ZBTB38: variants seen among roughly 807,000 people sequenced by gnomAD.
ZBTB38 encodes the protein zinc finger and BTB domain-containing protein 38.
ZBTB38 carries 20 observed loss-of-function variants against 76.8 expected under a neutral mutation model. That is an observed-to-expected ratio of 0.26 (90% CI 0.18 to 0.38). The LOEUF is 0.38. Among genes scored for constraint, ZBTB38 ranks in the 10% least tolerant of loss-of-function variants. The pLI is 1.00. For missense variants in ZBTB38, 1,082 were observed against 1,482.3 expected (o/e 0.73, Z 4.43); for synonymous variants, 504 against 544.2 (o/e 0.93, Z 1.03).
At chr3:141,368,105 G>A (rs769034036), upstream of ZBTB38, among the ~76,000 whole-genome samples, 7 of 152,206 alleles carry the variant, frequency 4.6e-5, no homozygotes, top group Non-Finnish European at 8.8e-5. Flanking sequence ...AACTCCTTGA[G>A]TAAGGTGGGC....
intron 2 of ZBTB38, among the ~76,000 whole-genome samples, chr3:141,378,835 A>G (rs1945785161): frequency 6.6e-6 from 1 of 152,144 alleles, no homozygotes; most frequent in South Asian, 2.1e-4. Context: ...TGAGACCATA[A>G]CTTCAAAGCT....
At chr3:141,393,563 C>T (rs1421169518) in intron 4 of ZBTB38, among the ~76,000 whole-genome samples, 1 of 152,080 alleles carries the variant, frequency 6.6e-6, no homozygotes, top group Non-Finnish European at 1.5e-5. Context: ...TACTGGGGAA[C>T]AGTGCGGAAG....
chr3:141,355,523 G>A (rs1943633740), intron 1 of ZBTB38, among the ~76,000 whole-genome samples: 1 of 152,046 alleles, frequency 6.6e-6, no homozygotes, highest in African/African-American at 2.4e-5. Flanking sequence ...TCTTGGTGCT[G>A]TGCTTGTCTC....
chr3:141,370,392 C>T (rs1559923838), intron 2 of ZBTB38, among the ~76,000 whole-genome samples: 1 of 152,224 alleles, frequency 6.6e-6, no homozygotes, highest in South Asian at 2.1e-4. Context: ...GCTAAAACTC[C>T]ATCACATGAC....
chr3:141,399,430 T>A (rs1207252953), intron 4 of ZBTB38, among the ~76,000 whole-genome samples: 3 of 152,214 alleles, frequency 2.0e-5, no homozygotes, highest in Non-Finnish European at 4.4e-5. Flanking sequence ...TTGGTAGATT[T>A]ACTACCAAAC....
intron 1 of ZBTB38, among the ~76,000 whole-genome samples, chr3:141,360,862 G>A (rs1312794284): frequency 2.0e-5 from 3 of 152,146 alleles, no homozygotes; most frequent in African/African-American, 7.2e-5. Flanking sequence ...TTTCCAGGGG[G>A]CAAACGCACC....
chr3:141,388,135 G>A (rs1279663097), intron 4 of ZBTB38: 2 of 151,856 alleles, frequency 1.3e-5, no homozygotes, highest in Non-Finnish European at 2.9e-5. Context: ...ATATATGATA[G>A]GTGTGGTGCC....
Position 141,443,397 on chromosome 3 carries a change from G to A in ZBTB38, c.1009G>A (p.Val337Ile), listed in dbSNP as rs2080643496. 3 of 1,614,218 alleles carry A rather than the reference G, an allele frequency of 1.9e-6. No homozygotes were observed. The highest frequency in any genetic ancestry group is 2.5e-6 in the Non-Finnish European group (3 of 1,180,044). ...SDVPGPPAAEVPPLVYNCSCC... is the reference protein window; with the variant it reads ...SDVPGPPAAEIPPLVYNCSCC... Reference sequence around the variant, plus strand: ...TGTTCCCGGGCCGCCAGCCGCAGAGGTTCCACCTCTGGTGTACAATTGTAG... The same window carrying A: ...TGTTCCCGGGCCGCCAGCCGCAGAGATTCCACCTCTGGTGTACAATTGTAG... The change falls in exon 6 of 6, where the codon GTT becomes ATT. Residue 337 changes from valine (V) to isoleucine (I), a missense_variant. Physicochemically the swap from Val to Ile is conservative, Grantham distance 29. Coordinates refer to ENST00000321464, the MANE Select transcript of ZBTB38 (RefSeq NM_001376113.1). This position sits in a 1 kb window ranked among gnomAD's most constrained non-coding sequence, Gnocchi z 5.6.
At chr3:141,437,427 G>A (rs1021473986) in intron 5 of ZBTB38, among the ~76,000 whole-genome samples, 148 of 152,110 alleles carry the variant, frequency 9.7e-4, no homozygotes, top group African/African-American at 3.5e-3. Context: ...TTGTTTTGCA[G>A]TGTTTCATGA....
intron 4 of ZBTB38, chr3:141,402,704 G>C (rs1559938404): frequency 6.6e-6 from 1 of 152,072 alleles, no homozygotes; most frequent in Non-Finnish European, 1.5e-5. Context: ...GGCGGGGTGG[G>C]TTCGGCTGGA....
rs2081162172 is a variant in ZBTB38 at position 141,447,178 on chromosome 3, C to A, written c.*1202C>A. On this transcript the variant is annotated 3_prime_UTR_variant, in exon 6 of 6. Transcript: ENST00000321464. Reference sequence around the variant, plus strand: ...TAAAGCAAAAGGACAAAGGAACCCCCACCCTCCACCCCACCCATTAATGAC... The same window carrying A: ...TAAAGCAAAAGGACAAAGGAACCCCAACCCTCCACCCCACCCATTAATGAC... 1 of 152,628 alleles carries A rather than the reference C, an allele frequency of 6.6e-6. No homozygotes were observed. The highest frequency in any genetic ancestry group is 2.1e-4 in the South Asian group (1 of 4,830). The allele number at this position is 152,628 out of a possible 1,614,324, so 9.5% of individuals were successfully genotyped here.
At chr3:141,423,062 T>C (rs79474768) in intron 5 of ZBTB38, among the ~76,000 whole-genome samples, 8,948 of 152,250 alleles carry the variant, frequency 0.059, 321 homozygotes, top group East Asian at 0.18. Flanking sequence ...TGGCTTCCCT[T>C]CTTTTGGGGT....
upstream of ZBTB38, among the ~76,000 whole-genome samples, chr3:141,368,051 CA>C (rs1944039172): frequency 6.6e-6 from 1 of 152,188 alleles, no homozygotes; most frequent in African/African-American, 2.4e-5. Flanking sequence ...GGGATGGTGA[CA>C]AAAGTGCCTT....
At chr3:141,414,220 C>T (rs904901351) in intron 5 of ZBTB38, among the ~76,000 whole-genome samples, 7 of 152,314 alleles carry the variant, frequency 4.6e-5, no homozygotes, top group Admixed American at 1.3e-4. Context: ...TTGTGGCAAA[C>T]TGGAGGTTTG....
In ZBTB38 at chr3:141,370,898, G is replaced by A. The variant is rs527272577; in HGVS notation, c.-235+952G>A. Among the ~76,000 whole-genome samples, 14 of 152,262 alleles carry A rather than the reference G, an allele frequency of 9.2e-5. No homozygotes were observed. In the South Asian group the frequency reaches 1.5e-3, roughly 16 times the overall value. On this transcript the variant is annotated intron_variant, in intron 2 of 5. Coordinates refer to ENST00000321464, the MANE Select transcript of ZBTB38 (RefSeq NM_001376113.1). Reference sequence around the variant, plus strand: ...GGAAAGCTCTTGACTTCCTTAGCTCGTAGTTTTCTCTGCTACTGGAGGCTT... The same window carrying A: ...GGAAAGCTCTTGACTTCCTTAGCTCATAGTTTTCTCTGCTACTGGAGGCTT...
chr3:141,345,318 G>C (rs1943318629), intron 1 of ZBTB38, among the ~76,000 whole-genome samples: 1 of 151,740 alleles, frequency 6.6e-6, no homozygotes, highest in Non-Finnish European at 1.5e-5. Flanking sequence ...TCAGTCCTGT[G>C]ACACAGATAT....
At chr3:141,430,931 C>T (rs1461713634) in intron 5 of ZBTB38, among the ~76,000 whole-genome samples, 2 of 152,160 alleles carry the variant, frequency 1.3e-5, no homozygotes, top group Admixed American at 1.3e-4. Context: ...GATAAGCTCA[C>T]CCCTAAAATG....
intron 4 of ZBTB38, 66 bp from the exon 5 acceptor site, chr3:141,403,861 A>G (rs564511762): frequency 7.2e-5 from 11 of 152,342 alleles, no homozygotes; most frequent in Admixed American, 4.6e-4. Context: ...TGCAGTTATT[A>G]TTGTTGCTAA....
chr3:141,327,960 C>A (rs1008727506), intron 1 of ZBTB38, among the ~76,000 whole-genome samples: 2 of 152,154 alleles, frequency 1.3e-5, no homozygotes, highest in African/African-American at 4.8e-5. Flanking sequence ...TAACCACATG[C>A]AGAACTAGGT....
Sources: allele counts gnomAD v4.1 joint callset (sites outside exome capture counted in the v4.1 genomes callset), GRCh38; gene constraint gnomAD v4.1.1; non-coding constraint Gnocchi (gnomAD v3.1); transcripts MANE v1.5; gene names NCBI Gene and HGNC (gene_info 2026-07-23, HGNC 2026-07-21).